IGF2BP2: variants seen among roughly 807,000 people sequenced by gnomAD.
IGF2BP2 encodes insulin-like growth factor 2 mRNA-binding protein 2.
Under a neutral mutation model 75.8 loss-of-function variants are expected in IGF2BP2, and 17 were observed. The ratio of observed to expected loss-of-function variants is 0.22; its 90% CI spans 0.15 to 0.34. IGF2BP2 has a LOEUF of 0.34. IGF2BP2 is among the 10% of genes least tolerant of loss of function. The pLI is 1.00. For missense variants in IGF2BP2, 516 were observed against 772.4 expected (o/e 0.67, Z 3.93); for synonymous variants, 288 against 295.6 (o/e 0.97, Z 0.26).
chr3:185,778,852 T>C (rs1007788598), intron 2 of IGF2BP2, among the ~76,000 whole-genome samples: 1 of 152,218 alleles, frequency 6.6e-6, no homozygotes, highest in Non-Finnish European at 1.5e-5. Context: ...ATCTTTTCTG[T>C]TGAACCCAGA....
chr3:185,758,589 T>TACAC (rs1731938727), intron 2 of IGF2BP2, among the ~76,000 whole-genome samples: 1 of 152,262 alleles, frequency 6.6e-6, no homozygotes, highest in African/African-American at 2.4e-5. Flanking sequence ...AAACAGGCAG[T>TACAC]AGTGATATCT....
At chr3:185,814,579 G>A (rs1163899723) in intron 2 of IGF2BP2, among the ~76,000 whole-genome samples, 1 of 152,122 alleles carries the variant, frequency 6.6e-6, no homozygotes, top group Non-Finnish European at 1.5e-5. Flanking sequence ...TAATAAAAAT[G>A]TCTTTCCTGG....
rs1048418658 is a variant in IGF2BP2, at chr3:185,800,534, C to G, written c.239+22619G>C. 3.3e-5 allele frequency among the ~76,000 whole-genome samples: 5 copies of G among 152,058 alleles called. No homozygotes were observed. The South Asian group carries it at 1.0e-3, about 32-fold the overall frequency. On this transcript the variant is annotated intron_variant, in intron 2 of 15. Transcript: ENST00000382199. Reference sequence around the variant, plus strand: ...CAAGGATCATTTGAGGTCAGGAGTTCAAGACCAGCCTGGCCAATATGGTGA... The same window carrying G: ...CAAGGATCATTTGAGGTCAGGAGTTGAAGACCAGCCTGGCCAATATGGTGA...
intron 10 of IGF2BP2, among the ~76,000 whole-genome samples, chr3:185,665,435 AG>A: frequency 1.4e-5 from 2 of 138,982 alleles, no homozygotes; most frequent in Non-Finnish European, 3.1e-5. Flanking sequence ...AAGGAGGAGG[AG>A]GAGAAGGAGG....
intron 2 of IGF2BP2, among the ~76,000 whole-genome samples, chr3:185,747,826 T>TACTCTACTCTACTCTACTCTACTC (rs1305024151): frequency 8.7e-5 from 5 of 57,582 alleles, no homozygotes; most frequent in Admixed American, 3.9e-4. Context: ...TTATTTTATT[T>TACTCTACTCTACTCTACTCTACTC]TATTCTACTC....
chr3:185,705,390 C>G (rs1723884672), intron 2 of IGF2BP2, among the ~76,000 whole-genome samples: 1 of 152,172 alleles, frequency 6.6e-6, no homozygotes, highest in African/African-American at 2.4e-5. Flanking sequence ...CCACTGTGCC[C>G]AGCCCTGCAA....
rs1034463174 is a variant in IGF2BP2 at position 185,792,857 on chromosome 3, G to A, written c.239+30296C>T. On this transcript the variant is annotated intron_variant, in intron 2 of 15. Coordinates refer to ENST00000382199, the MANE Select transcript of IGF2BP2 (RefSeq NM_006548.6). ...CCAAAGGTACCACAGAGAGACCTGCGAAGAACTAGTAGCACTGGACTCCCA... is the reference window on the plus strand; with the variant it reads ...CCAAAGGTACCACAGAGAGACCTGCAAAGAACTAGTAGCACTGGACTCCCA... Among the ~76,000 whole-genome samples, 7 of 151,074 alleles carry A rather than the reference G, an allele frequency of 4.6e-5. No individual in the cohort carries two copies. The East Asian group carries it at 7.8e-4, about 17-fold the overall frequency.
chr3:185,789,579 C>A (rs1179677271), intron 2 of IGF2BP2, among the ~76,000 whole-genome samples: 2 of 151,940 alleles, frequency 1.3e-5, no homozygotes, highest in African/African-American at 4.8e-5. Flanking sequence ...CCACATAGGG[C>A]ACACAGCTGT....
chr3:185,795,776 C>T (rs1407260836), intron 2 of IGF2BP2, among the ~76,000 whole-genome samples: 3 of 151,972 alleles, frequency 2.0e-5, no homozygotes, highest in African/African-American at 7.3e-5. Context: ...GTCCCAACTA[C>T]TAGGGAGGCT....
intron 14 of IGF2BP2, 95 bp downstream of exon 14, chr3:185,649,308 G>C: frequency 6.7e-7 from 1 of 1,501,818 alleles, no homozygotes; most frequent in Non-Finnish European, 9.1e-7. Flanking sequence ...CTGTACATTG[G>C]GACAGAAGGC....
intron 2 of IGF2BP2, chr3:185,717,183 C>T (rs1469980781): frequency 1.7e-5 from 3 of 180,820 alleles, no homozygotes; most frequent in Non-Finnish European, 3.5e-5. Flanking sequence ...GAGGGCTGGG[C>T]ACCCCGGTCT....
chr3:185,789,532 G>A (rs897568730), intron 2 of IGF2BP2, among the ~76,000 whole-genome samples: 1 of 151,894 alleles, frequency 6.6e-6, no homozygotes, highest in Non-Finnish European at 1.5e-5. Context: ...AAAAATTAAC[G>A]CAACACTAAG....
intron 13 of IGF2BP2, among the ~76,000 whole-genome samples, chr3:185,651,171 A>C (rs1577805625): frequency 6.6e-6 from 1 of 151,078 alleles, no homozygotes; most frequent in East Asian, 2.0e-4. Flanking sequence ...TTGGCCTCCT[A>C]AAGTGTTGGG....
intron 2 of IGF2BP2, among the ~76,000 whole-genome samples, chr3:185,790,123 GCTCCT>G (rs1736445816): frequency 6.6e-6 from 1 of 152,110 alleles, no homozygotes; most frequent in African/African-American, 2.4e-5. Context: ...AAGGTAACCA[GCTCCT>G]CAGCTCACCC....
At chr3:185,681,944 A>C (rs1438223791) in intron 7 of IGF2BP2, among the ~76,000 whole-genome samples, 1 of 152,238 alleles carries the variant, frequency 6.6e-6, no homozygotes, top group Non-Finnish European at 1.5e-5. Context: ...AACAGACCTA[A>C]AACTATCAAA....
Position 185,675,906 on chromosome 3 carries a change from C to T in IGF2BP2, c.820G>A (p.Glu274Lys). 1 of 1,613,962 alleles carries T rather than the reference C, an allele frequency of 6.2e-7. No homozygotes were observed. The highest frequency in any genetic ancestry group is 8.5e-7 in the Non-Finnish European group (1 of 1,179,934). The change falls in exon 8 of 16, where the codon GAG becomes AAG. Residue 274 changes from glutamate (E) to lysine (K), a missense_variant. By Grantham distance (56) the Glu-to-Lys change is moderately conservative. This residue lies in a region of IGF2BP2 where 312 missense variants were observed against 474.5 expected (regional missense o/e 0.66). Coordinates refer to ENST00000382199, the MANE Select transcript of IGF2BP2 (RefSeq NM_006548.6). ...KEADETKLAE[E>K]IPLKILAHNG... The stretch of plus-strand genomic sequence containing the variant: ...TGTGCCAAGATTTTCAGAGGAATCT[C>T]TTCGGCTCTAAAAGAGACAAGCAGC...
At chr3:185,824,698 C>T (rs1741811418) in intron 1 of IGF2BP2, 85 bp downstream of exon 1, 15 of 1,092,506 alleles carry the variant, frequency 1.4e-5, no homozygotes, top group South Asian at 4.6e-5. Flanking sequence ...CGCCGGGCGC[C>T]GCCCGCCGGA....
intron 2 of IGF2BP2, among the ~76,000 whole-genome samples, chr3:185,771,314 G>A (rs917353529): frequency 2.0e-5 from 3 of 151,986 alleles, no homozygotes; most frequent in East Asian, 1.9e-4. Context: ...GGTGGTGCAC[G>A]CCTATAATCC....
intron 6 of IGF2BP2, among the ~76,000 whole-genome samples, chr3:185,687,612 G>A (rs749760380): frequency 3.3e-5 from 5 of 152,206 alleles, no homozygotes; most frequent in Non-Finnish European, 7.3e-5. Flanking sequence ...ATCCAAATCC[G>A]AACACCAAAT....
Sources: gnomAD v4.1 joint callset for allele counts (sites outside exome capture counted in the v4.1 genomes callset) on GRCh38, gnomAD v4.1.1 for gene constraint, gnomAD v4.1.1 regional missense constraint, MANE v1.5 for transcripts, NCBI Gene and HGNC (gene_info 2026-07-23, HGNC 2026-07-21) for gene names.